RASGRP3: variants seen among roughly 807,000 people sequenced by gnomAD.
The protein encoded by RASGRP3 is ras guanyl-releasing protein 3.
RASGRP3 carries 54 observed loss-of-function variants against 82.7 expected under a neutral mutation model. The ratio of observed to expected loss-of-function variants is 0.65; its 90% CI spans 0.52 to 0.82. The LOEUF (loss-of-function observed/expected upper bound fraction) is 0.82, where lower values mean the gene tolerates loss of function less well. RASGRP3 is among the 40% of genes least tolerant of loss of function. The probability of loss-of-function intolerance (pLI) is 0.00; values close to 1 mark genes in which losing one functional copy is unlikely to be tolerated. For synonymous variants in RASGRP3, 309 were observed against 300.5 expected, an observed-to-expected ratio of 1.03 and a Z score of -0.29; for missense variants, 861 against 828.9, an observed-to-expected ratio of 1.04 and a Z score of -0.48.
intron 2 of RASGRP3, among the ~76,000 whole-genome samples, chr2:33,458,998 TATG>T (rs1312004585): frequency 5.9e-5 from 9 of 152,222 alleles, no homozygotes; most frequent in African/African-American, 1.7e-4. Flanking sequence ...TTTAAAAAAT[TATG>T]ATTCTACATG....
chr2:33,515,721 A>G (rs529653496), intron 3 of RASGRP3, among the ~76,000 whole-genome samples: 4 of 152,350 alleles, frequency 2.6e-5, no homozygotes, highest in Admixed American at 2.0e-4. Flanking sequence ...CTACTAGATT[A>G]TACACTTTTC....
intron 11 of RASGRP3, among the ~76,000 whole-genome samples, chr2:33,535,200 T>C (rs1259337006): frequency 6.6e-6 from 1 of 152,224 alleles, no homozygotes; most frequent in African/African-American, 2.4e-5. Flanking sequence ...TCTCACTTAA[T>C]AGATGGCAGA....
At chr2:33,473,808 C>G (rs1001713668), upstream of RASGRP3, among the ~76,000 whole-genome samples, 1 of 152,142 alleles carries the variant, frequency 6.6e-6, no homozygotes, top group Non-Finnish European at 1.5e-5. Flanking sequence ...AAAAGAACCT[C>G]TACACCAGTG....
intron 13 of RASGRP3, among the ~76,000 whole-genome samples, chr2:33,546,953 G>A (rs1014083111): frequency 1.3e-5 from 2 of 151,330 alleles, no homozygotes; most frequent in Non-Finnish European, 2.9e-5. Context: ...GGAGGCTGAG[G>A]CAGGAGAATC....
At chr2:33,529,175 G>T (rs919551879) in intron 10 of RASGRP3, among the ~76,000 whole-genome samples, 10 of 152,114 alleles carry the variant, frequency 6.6e-5, no homozygotes, top group Non-Finnish European at 1.2e-4. Context: ...ATATTTAGAG[G>T]AATATTGAAG....
chr2:33,447,521 C>G (rs1002845695), intron 1 of RASGRP3, among the ~76,000 whole-genome samples: 3 of 151,578 alleles, frequency 2.0e-5, no homozygotes, highest in Non-Finnish European at 4.4e-5. Context: ...CTGCAACCTT[C>G]GCCTCCTGAA....
intron 17 of RASGRP3, chr2:33,559,629 G>T (rs17598067): frequency 9.6e-6 from 5 of 518,570 alleles, no homozygotes; most frequent in South Asian, 7.0e-5. Flanking sequence ...ATTGATTCAA[G>T]ATGGAGTTAG....
rs558065224 is a variant in RASGRP3 at position 33,469,436 on chromosome 2, T to TC, written c.-261+21493_-261+21494insC. ...AATTTTAAGATTATAAAACCAATCA[T>TC]GTGATTCTCTTCAAGTTTGTATGTG... On this transcript the variant is annotated intron_variant, in intron 2 of 18. Transcript: ENST00000402538. 2.4e-3 allele frequency among the ~76,000 whole-genome samples: 360 copies of TC among 151,722 alleles called. 1 individual carries two copies. The highest frequency in any genetic ancestry group is 3.4e-3 in the Non-Finnish European group (232 of 67,940).
intron 1 of RASGRP3, among the ~76,000 whole-genome samples, chr2:33,486,176 T>C (rs1356066787): frequency 5.4e-4 from 82 of 150,750 alleles, no homozygotes; most frequent in Non-Finnish European, 1.9e-4. Flanking sequence ...TTTTTTTTTT[T>C]TTGAGAGAGA....
intron 4 of RASGRP3, among the ~76,000 whole-genome samples, chr2:33,518,212 C>CTTA (rs959310026): frequency 6.6e-6 from 1 of 152,190 alleles, no homozygotes; most frequent in Non-Finnish European, 1.5e-5. Context: ...CACACCTAGG[C>CTTA]TATATGATAC....
intron 10 of RASGRP3, chr2:33,532,751 C>G (rs1381247980): frequency 1.3e-5 from 2 of 152,098 alleles, no homozygotes; most frequent in African/African-American, 4.8e-5. Context: ...AACTTTGTGA[C>G]AAAGTGCAGG....
intron 2 of RASGRP3, among the ~76,000 whole-genome samples, chr2:33,466,210 C>G (rs959093883): frequency 1.3e-4 from 20 of 152,078 alleles, no homozygotes; most frequent in African/African-American, 4.8e-4. Context: ...ATGGATGTGA[C>G]CAGAGTAAAT....
At chr2:33,508,310 A>G (rs1670595760) in intron 1 of RASGRP3, among the ~76,000 whole-genome samples, 1 of 152,148 alleles carries the variant, frequency 6.6e-6, no homozygotes, top group Non-Finnish European at 1.5e-5. Flanking sequence ...TCCATTACGG[A>G]CTTCTGAGTT....
chr2:33,510,286 A>G (rs904111061), intron 1 of RASGRP3, among the ~76,000 whole-genome samples: 1 of 152,250 alleles, frequency 6.6e-6, no homozygotes, highest in Non-Finnish European at 1.5e-5. Flanking sequence ...CATCATTTCA[A>G]AACGATTTGT....
intron 1 of RASGRP3, among the ~76,000 whole-genome samples, chr2:33,491,424 TC>T (rs1425299656): frequency 2.0e-5 from 3 of 151,886 alleles, no homozygotes; most frequent in Admixed American, 2.0e-4. Flanking sequence ...GATTGATTAA[TC>T]AATTGGAAAT....
chr2:33,558,788 GCCA>G lies in RASGRP3; in HGVS notation c.1829_1831del (p.Thr610del). On this transcript the variant is annotated inframe_deletion, in exon 17 of 18. Transcript: ENST00000403687. Reference sequence around the variant, plus strand: ...CAAGATCTCTGTGAGGCTACAGAGGGCCACCACCAGCCAGGCCACCCAGACTGA... The same window carrying G: ...CAAGATCTCTGTGAGGCTACAGAGGGCCACCAGCCAGGCCACCCAGACTGA... 6.2e-7 allele frequency: 1 copy of G among 1,613,984 alleles called. No individual in the cohort carries two copies. The highest frequency in any genetic ancestry group is 1.3e-5 in the African/African-American group (1 of 75,028).
chr2:33,448,125 G>C (rs184768250), intron 2 of RASGRP3, among the ~76,000 whole-genome samples: 1 of 152,192 alleles, frequency 6.6e-6, no homozygotes, highest in Non-Finnish European at 1.5e-5. Flanking sequence ...CCAGTCTTGA[G>C]TGAATTTGCC....
chr2:33,545,750 A>T (rs1210102417), intron 13 of RASGRP3, among the ~76,000 whole-genome samples: 2 of 151,924 alleles, frequency 1.3e-5, no homozygotes, highest in Non-Finnish European at 2.9e-5. Flanking sequence ...AGAAATGCAA[A>T]TCAAAACTAC....
intron 1 of RASGRP3, among the ~76,000 whole-genome samples, chr2:33,478,657 C>T (rs904941105): frequency 6.6e-6 from 1 of 152,324 alleles, no homozygotes; most frequent in Middle Eastern, 3.4e-3. Flanking sequence ...GCAGATAGTA[C>T]ATCCATTGAC....
Sources: gnomAD v4.1 joint callset for allele counts (sites outside exome capture counted in the v4.1 genomes callset) on GRCh38, gnomAD v4.1.1 for gene constraint, MANE v1.5 for transcripts, NCBI Gene and HGNC (gene_info 2026-07-23, HGNC 2026-07-21) for gene names.